The following AUTS2 variants were observed in gnomAD, a reference collection of about 807,000 sequenced individuals.
AUTS2 encodes the protein activator of transcription and developmental regulator AUTS2.
Under a neutral mutation model 112.4 loss-of-function variants are expected in AUTS2, and 17 were observed. That is an observed-to-expected ratio of 0.15 (90% CI 0.10 to 0.23). The LOEUF (loss-of-function observed/expected upper bound fraction) is 0.23, where lower values mean the gene tolerates loss of function less well. Ranked by LOEUF, AUTS2 falls within the 10% of genes least tolerant of loss-of-function variation. AUTS2 has a pLI of 1.00. For synonymous variants in AUTS2, 751 were observed against 702.7 expected (o/e 1.07, Z -1.09); for missense variants, 1,510 against 1,701.6 (o/e 0.89, Z 1.98).
intron 2 of AUTS2, among the ~76,000 whole-genome samples, chr7:69,971,599 G>A (rs1257144701): frequency 6.6e-6 from 1 of 152,132 alleles, no homozygotes; most frequent in East Asian, 1.9e-4. Flanking sequence ...TGATAGCCAT[G>A]CCTCTTTCCT....
At chr7:70,170,207 TG>T (rs1426909456) in intron 4 of AUTS2, among the ~76,000 whole-genome samples, 2 of 150,226 alleles carry the variant, frequency 1.3e-5, no homozygotes, top group Non-Finnish European at 3.0e-5. Context: ...TCGCCCAGGC[TG>T]GAGTGCAGTG....
chr7:69,674,857 A>G (rs1435456222), intron 1 of AUTS2, among the ~76,000 whole-genome samples: 1 of 152,152 alleles, frequency 6.6e-6, no homozygotes, highest in African/African-American at 2.4e-5. Flanking sequence ...AGGCTGTGAG[A>G]GGGACAAGAA....
chr7:70,064,979 G>A (rs1156368886), intron 2 of AUTS2, among the ~76,000 whole-genome samples: 1 of 152,164 alleles, frequency 6.6e-6, no homozygotes, highest in African/African-American at 2.4e-5. Context: ...GACAATAGTA[G>A]GCGCTCATCA....
intron 5 of AUTS2, among the ~76,000 whole-genome samples, chr7:70,496,629 A>G (rs1562994789): frequency 7.4e-6 from 1 of 135,322 alleles, no homozygotes; most frequent in African/African-American, 2.8e-5. Flanking sequence ...GTACACAGGC[A>G]CACACACACA....
At chr7:70,445,668 A>C (rs1796291320) in intron 5 of AUTS2, among the ~76,000 whole-genome samples, 1 of 152,206 alleles carries the variant, frequency 6.6e-6, no homozygotes, top group African/African-American at 2.4e-5. Context: ...ATGATTAATT[A>C]GGGATGTAGG....
intron 1 of AUTS2, among the ~76,000 whole-genome samples, chr7:69,601,381 CTG>C (rs1470600905): frequency 1.3e-5 from 2 of 152,102 alleles, no homozygotes; most frequent in East Asian, 1.9e-4. Context: ...CATACGGTAA[CTG>C]TACAGGTTTA....
At chr7:69,861,320 G>A (rs1447663635) in intron 1 of AUTS2, among the ~76,000 whole-genome samples, 1 of 152,160 alleles carries the variant, frequency 6.6e-6, no homozygotes, top group Admixed American at 6.5e-5. Context: ...GTGCTGCATG[G>A]TGGTTGGGAA....
chr7:69,941,579 A>ATT (rs56227016), intron 2 of AUTS2, among the ~76,000 whole-genome samples: 22 of 139,134 alleles, frequency 1.6e-4, no homozygotes, highest in African/African-American at 5.0e-4. Flanking sequence ...GACCTTCTAG[A>ATT]TTTTTTTTTT....
At chr7:69,637,357 T>C (rs1246691115) in intron 1 of AUTS2, among the ~76,000 whole-genome samples, 1 of 152,236 alleles carries the variant, frequency 6.6e-6, no homozygotes, top group Non-Finnish European at 1.5e-5. Context: ...GCTTTATGTT[T>C]ATTCTTGATA....
At chr7:70,675,668 G>C (rs1297862030) in intron 5 of AUTS2, among the ~76,000 whole-genome samples, 2 of 152,124 alleles carry the variant, frequency 1.3e-5, no homozygotes, top group African/African-American at 4.8e-5. Context: ...GAATGGCTGG[G>C]GACTGGAATC....
chr7:70,788,721 A>G (rs1237822521), intron 18 of AUTS2, among the ~76,000 whole-genome samples: 1 of 152,196 alleles, frequency 6.6e-6, no homozygotes, highest in African/African-American at 2.4e-5. Flanking sequence ...TCTTCTCTGC[A>G]TGTGGGCAAG....
chr7:70,778,672 T>C (rs1471655450), intron 14 of AUTS2, among the ~76,000 whole-genome samples: 1 of 152,212 alleles, frequency 6.6e-6, no homozygotes, highest in Non-Finnish European at 1.5e-5. Flanking sequence ...GGTTGTCAGA[T>C]ACCTGCTCTT....
intron 2 of AUTS2, among the ~76,000 whole-genome samples, chr7:69,938,452 T>TTGTA (rs149107136): frequency 1.3e-5 from 2 of 152,368 alleles, no homozygotes; most frequent in East Asian, 3.9e-4. Context: ...AATAATCCTT[T>TTGTA]TGTATGTCTA....
At chr7:70,615,048 C>T (rs1002554252) in intron 5 of AUTS2, among the ~76,000 whole-genome samples, 3 of 152,182 alleles carry the variant, frequency 2.0e-5, no homozygotes, top group Non-Finnish European at 2.9e-5. Context: ...ATAAAAATTA[C>T]GAACGCTGGA....
chr7:70,509,390 A>G (rs1006666224), intron 5 of AUTS2, among the ~76,000 whole-genome samples: 2 of 152,242 alleles, frequency 1.3e-5, no homozygotes, highest in Non-Finnish European at 2.9e-5. Context: ...GAAGGTTGGG[A>G]AAGTACCCTA....
intron 4 of AUTS2, among the ~76,000 whole-genome samples, chr7:70,430,446 G>T (rs1009508790): frequency 6.6e-6 from 1 of 152,110 alleles, no homozygotes; most frequent in Non-Finnish European, 1.5e-5. Flanking sequence ...TCCTCTTCTA[G>T]CCATATTTTA....
intron 1 of AUTS2, among the ~76,000 whole-genome samples, chr7:69,852,633 A>T (rs1226046922): frequency 2.6e-5 from 4 of 151,898 alleles, no homozygotes; most frequent in Non-Finnish European, 5.9e-5. Context: ...TTGTATTTTT[A>T]GTAGAGACAG....
At chr7:70,258,736 C>T (rs2129606538) in intron 4 of AUTS2, among the ~76,000 whole-genome samples, 1 of 152,244 alleles carries the variant, frequency 6.6e-6, no homozygotes, top group East Asian at 1.9e-4. Context: ...CATGTGACAA[C>T]AAATATTTAA....
intron 4 of AUTS2, among the ~76,000 whole-genome samples, chr7:70,253,472 T>A (rs1055394659): frequency 2.0e-5 from 3 of 152,206 alleles, no homozygotes; most frequent in Non-Finnish European, 4.4e-5. Flanking sequence ...TCCTTTTGCC[T>A]TTCCTTACTT....
Sources: gnomAD v4.1 joint callset for allele counts (sites outside exome capture counted in the v4.1 genomes callset) on GRCh38, gnomAD v4.1.1 for gene constraint, MANE v1.5 for transcripts, NCBI Gene and HGNC (gene_info 2026-07-23, HGNC 2026-07-21) for gene names.